ARHGEF26: variants seen among roughly 807,000 people sequenced by gnomAD.
The protein encoded by ARHGEF26 is Rho guanine nucleotide exchange factor (GEF) 26.
ARHGEF26 carries 59 observed loss-of-function variants against 89.4 expected under a neutral mutation model. That is an observed-to-expected ratio of 0.66 (90% confidence interval 0.54 to 0.82). The LOEUF is 0.82. Ranked by LOEUF, ARHGEF26 falls within the 40% of genes least tolerant of loss-of-function variation. ARHGEF26 has a pLI of 0.00. For synonymous variants in ARHGEF26, 500 were observed against 428.4 expected (o/e 1.17, Z -2.06); for missense variants, 1,234 against 1,085.6 (o/e 1.14, Z -1.92).
chr3:154,125,217 A>G (rs1380808794), intron 3 of ARHGEF26, among the ~76,000 whole-genome samples: 4 of 152,308 alleles, frequency 2.6e-5, no homozygotes, highest in African/African-American at 7.2e-5. Context: ...GTGCCCCTCC[A>G]TAGGTCAAGC....
intron 5 of ARHGEF26, among the ~76,000 whole-genome samples, chr3:154,150,689 TA>T (rs1311258988): frequency 1.2e-4 from 18 of 152,268 alleles, no homozygotes; most frequent in Admixed American, 3.3e-4. Context: ...CATTGTGACA[TA>T]AAAATGTTTC....
At chr3:154,141,424 C>T (rs1336786485) in intron 4 of ARHGEF26, among the ~76,000 whole-genome samples, 1 of 152,172 alleles carries the variant, frequency 6.6e-6, no homozygotes, top group Non-Finnish European at 1.5e-5. Context: ...TAGCTAGGTG[C>T]TTAACTAACT....
At chr3:154,214,917 T>C (rs554619953) in intron 9 of ARHGEF26, among the ~76,000 whole-genome samples, 2 of 152,226 alleles carry the variant, frequency 1.3e-5, no homozygotes, top group South Asian at 4.1e-4. Flanking sequence ...TATGCTGTCA[T>C]TGAAGACAGG....
Position 154,123,046 on chromosome 3 carries a change from GAGA to G in ARHGEF26, c.1057_1059del (p.Lys353del), listed in dbSNP as rs771863470. ...TCTGAAAGTGGTGATGGAAGACAAGGAGAAGTTTTCCAGTCTGGGAAGGATAAA... is the reference window on the plus strand; with the variant it reads ...TCTGAAAGTGGTGATGGAAGACAAGGAGTTTTCCAGTCTGGGAAGGATAAA... On this transcript the variant is annotated inframe_deletion, in exon 2 of 15. Transcript: ENST00000465093. 12 of 1,613,866 alleles carry G rather than the reference GAGA, an allele frequency of 7.4e-6. No individual in the cohort carries two copies. In the East Asian group the frequency reaches 2.2e-4, roughly 30 times the overall value.
intron 3 of ARHGEF26, among the ~76,000 whole-genome samples, chr3:154,127,905 A>G (rs551002130): frequency 1.3e-5 from 2 of 152,294 alleles, no homozygotes; most frequent in South Asian, 4.1e-4. Context: ...GTCATTGATC[A>G]AAACAATATT....
intron 4 of ARHGEF26, among the ~76,000 whole-genome samples, chr3:154,138,674 A>G (rs1045280658): frequency 2.0e-5 from 3 of 152,236 alleles, no homozygotes; most frequent in African/African-American, 7.2e-5. Flanking sequence ...GGGCATAACT[A>G]CAAAGGCAGA....
intron 4 of ARHGEF26, among the ~76,000 whole-genome samples, chr3:154,141,324 T>C (rs1719369344): frequency 1.3e-5 from 2 of 152,190 alleles, no homozygotes; most frequent in East Asian, 3.8e-4. Flanking sequence ...CACAGTTTAG[T>C]TGCCCAGTTT....
intron 4 of ARHGEF26, among the ~76,000 whole-genome samples, chr3:154,142,348 G>A (rs1338478955): frequency 3.9e-5 from 6 of 152,060 alleles, no homozygotes; most frequent in Admixed American, 6.5e-5. Context: ...GATTACAGGC[G>A]TGAGTCACTG....
Position 154,255,948 on chromosome 3 carries a change from T to C in ARHGEF26, c.*475T>C. The C allele has an allele frequency of 2.0e-6, 2 of 986,574 alleles. No individual in the cohort carries two copies. The highest frequency in any genetic ancestry group is 2.4e-6 in the Non-Finnish European group (2 of 830,492). The allele number at this position is 986,574 out of a possible 1,614,324, so 61.1% of individuals were successfully genotyped here. A position where few individuals can be genotyped will look rare whatever the true frequency, so the allele number is the denominator to read the frequency against. ...GCCTTTTTTTTTCTTTTTTTACATC[T>C]GATTTTAATGCTTCGTTAACTTCAA... On this transcript the variant is annotated 3_prime_UTR_variant, in exon 15 of 15. Coordinates refer to ENST00000465093, the MANE Select transcript of ARHGEF26 (RefSeq NM_015595.4).
At chr3:154,162,739 C>A (rs1711744496) in intron 6 of ARHGEF26, among the ~76,000 whole-genome samples, 2 of 152,012 alleles carry the variant, frequency 1.3e-5, no homozygotes, top group South Asian at 4.2e-4. Context: ...GTGTCCTGTC[C>A]AGGGTTGACA....
At chr3:154,200,204 A>C (rs952335416) in intron 9 of ARHGEF26, among the ~76,000 whole-genome samples, 4 of 152,166 alleles carry the variant, frequency 2.6e-5, no homozygotes, top group Non-Finnish European at 5.9e-5. Flanking sequence ...TCTTAGATTT[A>C]AGTATTTACT....
At chr3:154,139,307 T>C (rs1268352167) in intron 4 of ARHGEF26, among the ~76,000 whole-genome samples, 1 of 152,172 alleles carries the variant, frequency 6.6e-6, no homozygotes, top group Non-Finnish European at 1.5e-5. Flanking sequence ...CCTGCACTCA[T>C]GTGGTGGTTT....
intron 7 of ARHGEF26, among the ~76,000 whole-genome samples, chr3:154,189,347 T>G (rs1308907605): frequency 6.8e-6 from 1 of 148,030 alleles, no homozygotes; most frequent in Non-Finnish European, 1.5e-5. Context: ...TTTTTTTTTT[T>G]TTTTTTTTGA....
At chr3:154,166,755 TTTAA>T (rs1392879312) in intron 6 of ARHGEF26, among the ~76,000 whole-genome samples, 1 of 152,138 alleles carries the variant, frequency 6.6e-6, no homozygotes, top group Non-Finnish European at 1.5e-5. Flanking sequence ...GCTACTCAGC[TTTAA>T]TTAAAGAAAC....
intron 10 of ARHGEF26, among the ~76,000 whole-genome samples, chr3:154,223,978 A>G (rs1716304006): frequency 6.6e-6 from 1 of 151,764 alleles, no homozygotes; most frequent in Non-Finnish European, 1.5e-5. Context: ...GGTAATAGAA[A>G]AAAAAAAATG....
rs530923002 is a variant in ARHGEF26, at chr3:154,234,564, C to T, written c.2091-5806C>T. On this transcript the variant is annotated intron_variant, in intron 11 of 14. Coordinates refer to ENST00000465093, the MANE Select transcript of ARHGEF26 (RefSeq NM_015595.4). ...TTTAAAAAAATATTTGATATGTTTC[C>T]CCAAATGTCCCAATATTATTTATTG... Among the ~76,000 whole-genome samples the T allele has an allele frequency of 1.2e-4, 18 of 152,078 alleles. No individual in the cohort carries two copies. In the East Asian group the frequency reaches 2.9e-3, roughly 24 times the overall value.
chr3:154,125,667 T>A (rs1321155657), intron 3 of ARHGEF26, among the ~76,000 whole-genome samples: 1 of 152,166 alleles, frequency 6.6e-6, no homozygotes. Context: ...ATTTTTAGAT[T>A]TTTTTTGAAG....
chr3:154,175,005 G>T lies in ARHGEF26; in HGVS notation c.1488-12680G>T, dbSNP rs111768965. Among the ~76,000 whole-genome samples, 287 of 152,198 alleles carry T rather than the reference G, an allele frequency of 1.9e-3. 3 individuals are homozygous for T. Among genetic ancestry groups the T allele is most frequent in the African/African-American group, 6.7e-3 (278 of 41,548 alleles). ...CCTAGGCATAGTGTAAGTGCCCTCCGCATGCAAGTCATGATTTACTGTGAA... is the reference window on the plus strand; with the variant it reads ...CCTAGGCATAGTGTAAGTGCCCTCCTCATGCAAGTCATGATTTACTGTGAA... On this transcript the variant is annotated intron_variant, in intron 6 of 14. Transcript: ENST00000465093.
In ARHGEF26 at chr3:154,173,201, A is replaced by AC. The variant is rs569362091; in HGVS notation, c.1488-14477dup. Among the ~76,000 whole-genome samples, 78 of 105,702 alleles carry AC rather than the reference A, an allele frequency of 7.4e-4. 1 individual carries two copies. In the South Asian group the frequency reaches 0.012, roughly 16 times the overall value. The allele number at this position is 105,702 out of a possible 152,430, so 69.3% of individuals were successfully genotyped here. A position where few individuals can be genotyped will look rare whatever the true frequency, so the allele number is the denominator to read the frequency against. On this transcript the variant is annotated intron_variant, in intron 6 of 14. Transcript: ENST00000465093. ...CTTTGCATTACCCTCCACTCCTGCC[A>AC]CCCCCCCACCCCACCTGCAGCCATC...
Sources: gnomAD v4.1 joint callset for allele counts (sites outside exome capture counted in the v4.1 genomes callset) on GRCh38, gnomAD v4.1.1 for gene constraint, MANE v1.5 for transcripts, NCBI Gene and HGNC (gene_info 2026-07-23, HGNC 2026-07-21) for gene names.